Variants in DMXL2 observed in about 807,000 individuals in gnomAD.
DMXL2 encodes Dmx like 2, also known as dmX-like protein 2.
Under a neutral mutation model 331.1 loss-of-function variants are expected in DMXL2, and 103 were observed. The ratio of observed to expected loss-of-function variants is 0.31; its 90% CI spans 0.27 to 0.37. The LOEUF is 0.37. Ranked by LOEUF, DMXL2 falls within the 10% of genes least tolerant of loss-of-function variation. The pLI is 1.00. For missense variants in DMXL2, 3,171 were observed against 3,642.9 expected, an observed-to-expected ratio of 0.87 and a Z score of 3.33; for synonymous variants, 1,281 against 1,252.1, an observed-to-expected ratio of 1.02 and a Z score of -0.49.
chr15:51,622,087 C>T (rs1340655733), intron 1 of DMXL2, among the ~76,000 whole-genome samples: 1 of 152,184 alleles, frequency 6.6e-6, no homozygotes, highest in Non-Finnish European at 1.5e-5. Context: ...GTCTCTTCGC[C>T]TCCACGCCGA....
chr15:51,465,667 C>CA lies in DMXL2; in HGVS notation c.7521-17dup, dbSNP rs777116898. On this transcript the variant is annotated splice_polypyrimidine_tract_variant and intron_variant, in intron 30 of 43. Transcript: ENST00000560891. ...AAGAGCCCAGCTGTTCAAGGAGGGGCAAAAAGAGTCTTTAAGTGAAAAATA... is the reference window on the plus strand; with the variant it reads ...AAGAGCCCAGCTGTTCAAGGAGGGGCAAAAAAGAGTCTTTAAGTGAAAAATA... 1 of 1,525,240 alleles carries CA rather than the reference C, an allele frequency of 6.6e-7. No individual in the cohort carries two copies. Among genetic ancestry groups the CA allele is most frequent in the Admixed American group, 2.1e-5 (1 of 48,418 alleles). 94.5% of individuals were successfully genotyped at this position (1,525,240 alleles called of 1,614,324 possible). A position where few individuals can be genotyped will look rare whatever the true frequency, so the allele number is the denominator to read the frequency against.
chr15:51,569,596 C>T (rs536363471), intron 2 of DMXL2, among the ~76,000 whole-genome samples: 76 of 152,190 alleles, frequency 5.0e-4, no homozygotes, highest in African/African-American at 1.8e-3. Context: ...CGGCATCTGG[C>T]GGGTGCCCTT....
At chr15:51,502,433 CT>C (rs1033459180) in intron 17 of DMXL2, among the ~76,000 whole-genome samples, 2 of 151,820 alleles carry the variant, frequency 1.3e-5, no homozygotes, top group African/African-American at 4.8e-5. Flanking sequence ...AGCAATTCCC[CT>C]GCCTCAGCTT....
intron 1 of DMXL2, among the ~76,000 whole-genome samples, chr15:51,594,527 C>A: frequency 6.6e-6 from 1 of 152,140 alleles, no homozygotes. Flanking sequence ...CTATTCCAAT[C>A]AAAAGAAAAA....
At chr15:51,487,712 C>A (rs965822046) in intron 22 of DMXL2, among the ~76,000 whole-genome samples, 6 of 152,174 alleles carry the variant, frequency 3.9e-5, no homozygotes, top group African/African-American at 1.4e-4. Flanking sequence ...CCTTCCCTGG[C>A]CTCCCAAAGA....
At chr15:51,509,796 GA>G (rs1424862097) in intron 15 of DMXL2, among the ~76,000 whole-genome samples, 1 of 152,002 alleles carries the variant, frequency 6.6e-6, no homozygotes, top group Non-Finnish European at 1.5e-5. Context: ...ACATCAATGC[GA>G]AAAACCTCAA....
chr15:51,473,022 C>A (rs1206534062), intron 28 of DMXL2, among the ~76,000 whole-genome samples: 1 of 152,190 alleles, frequency 6.6e-6, no homozygotes, highest in African/African-American at 2.4e-5. Flanking sequence ...CCATGATGGT[C>A]CCTGGGTAGT....
Position 51,538,747 on chromosome 15 carries a change from A to G in DMXL2, c.1106-295T>C, listed in dbSNP as rs890621062. On this transcript the variant is annotated intron_variant, in intron 9 of 43. Transcript: ENST00000560891. ...AATTAAAGCAGAAAAGCAGCTATAAAAGAGATAACTAGAGAAGTTTAAATA... is the reference window on the plus strand; with the variant it reads ...AATTAAAGCAGAAAAGCAGCTATAAGAGAGATAACTAGAGAAGTTTAAATA... Among the ~76,000 whole-genome samples the G allele has an allele frequency of 9.2e-5, 14 of 152,316 alleles. No individual in the cohort carries two copies. In the South Asian group the frequency reaches 1.2e-3, roughly 14 times the overall value.
chr15:51,599,743 A>C (rs1206279995), intron 1 of DMXL2, among the ~76,000 whole-genome samples: 2 of 151,798 alleles, frequency 1.3e-5, no homozygotes, highest in Non-Finnish European at 2.9e-5. Flanking sequence ...TTTGTCACCC[A>C]GGCTGGAGTG....
chr15:51,520,811 C>T (rs992522047), intron 13 of DMXL2, among the ~76,000 whole-genome samples: 3 of 152,038 alleles, frequency 2.0e-5, no homozygotes, highest in Non-Finnish European at 4.4e-5. Flanking sequence ...GAGCTGAGAT[C>T]GCGCCACTGC....
chr15:51,516,535 T>C (rs2047046654), intron 14 of DMXL2, among the ~76,000 whole-genome samples: 1 of 152,254 alleles, frequency 6.6e-6, no homozygotes, highest in South Asian at 2.1e-4. Context: ...GCAGCTGCAC[T>C]GTATTTTCTC....
At chr15:51,608,809 T>C (rs1216563435) in intron 1 of DMXL2, among the ~76,000 whole-genome samples, 1 of 151,866 alleles carries the variant, frequency 6.6e-6, no homozygotes, top group African/African-American at 2.4e-5. Flanking sequence ...ATTACAACAC[T>C]AACAGATTGA....
At position 51,478,252 on chromosome 15, in the gene DMXL2, T is replaced by G; in HGVS notation, c.6833+19A>C. ...ATGTTTTTGCTGTATTAATACTATT[T>G]TGGGTGATTTTTTTTTACCTGTAGC... On this transcript the variant is annotated intron_variant, in intron 26 of 43. Coordinates refer to ENST00000560891, the MANE Select transcript of DMXL2 (RefSeq NM_001378457.1). 1.3e-6 allele frequency: 2 copies of G among 1,513,462 alleles called. No individual in the cohort carries two copies. Among genetic ancestry groups the G allele is most frequent in the Non-Finnish European group, 1.8e-6 (2 of 1,129,024 alleles). 93.8% of individuals were successfully genotyped at this position (1,513,462 alleles called of 1,614,324 possible).
intron 13 of DMXL2, among the ~76,000 whole-genome samples, 171 bp from the exon 14 acceptor site, chr15:51,517,338 C>T (rs2047091304): frequency 6.6e-6 from 1 of 152,160 alleles, no homozygotes; most frequent in Non-Finnish European, 1.5e-5. Flanking sequence ...CATGTTAAGT[C>T]TAAAGTTAAG....
At chr15:51,548,424 T>G (rs996745481) in intron 6 of DMXL2, among the ~76,000 whole-genome samples, 1 of 152,170 alleles carries the variant, frequency 6.6e-6, no homozygotes, top group Non-Finnish European at 1.5e-5. Context: ...ATATTTTAAT[T>G]ATACAGCAAA....
At chr15:51,453,382 C>A in intron 41 of DMXL2, 168 bp downstream of exon 41, 1 of 479,324 alleles carries the variant, frequency 2.1e-6, no homozygotes, top group Non-Finnish European at 3.6e-6. Context: ...TTCATTTTTG[C>A]TTTTCTCTTT....
intron 16 of DMXL2, among the ~76,000 whole-genome samples, chr15:51,503,293 CACA>C (rs2043814334): frequency 6.6e-6 from 1 of 152,126 alleles, no homozygotes; most frequent in South Asian, 2.1e-4. Flanking sequence ...TAGCACTATT[CACA>C]ACAGCCAAGA....
At chr15:51,581,070 G>A (rs999108620) in intron 1 of DMXL2, among the ~76,000 whole-genome samples, 1 of 152,054 alleles carries the variant, frequency 6.6e-6, no homozygotes, top group Non-Finnish European at 1.5e-5. Context: ...TTAGAGCAGG[G>A]GTCCCCAATT....
chr15:51,490,363 T>C (rs937572478), intron 20 of DMXL2, among the ~76,000 whole-genome samples: 1 of 152,212 alleles, frequency 6.6e-6, no homozygotes, highest in African/African-American at 2.4e-5. Context: ...AGTTTACCAG[T>C]TGAGTCTTCT....
Sources: gnomAD v4.1 joint callset for allele counts (sites outside exome capture counted in the v4.1 genomes callset) on GRCh38, gnomAD v4.1.1 for gene constraint, MANE v1.5 for transcripts, NCBI Gene and HGNC (gene_info 2026-07-23, HGNC 2026-07-21) for gene names.